Variants in CDK14 observed in about 807,000 individuals in gnomAD.
CDK14 encodes the protein cyclin-dependent kinase 14.
Under a neutral mutation model 60.7 loss-of-function variants are expected in CDK14, and 34 were observed. The ratio of observed to expected loss-of-function variants is 0.56; its 90% CI spans 0.43 to 0.75. The LOEUF is 0.75. Ranked by LOEUF, CDK14 falls within the 30% of genes least tolerant of loss-of-function variation. The pLI is 0.00. For missense variants in CDK14, 482 were observed against 564.1 expected (o/e 0.85, Z 1.47); for synonymous variants, 197 against 203.7 (o/e 0.97, Z 0.28).
At chr7:90,698,402 A>G (rs750393721) in intron 2 of CDK14, among the ~76,000 whole-genome samples, 11 of 152,216 alleles carry the variant, frequency 7.2e-5, no homozygotes, top group Non-Finnish European at 1.6e-4. Context: ...TGTAAATGAA[A>G]GGAAGAGCAG....
intron 8 of CDK14, among the ~76,000 whole-genome samples, 181 bp from the exon 9 acceptor site, chr7:90,955,516 G>A (rs895750430): frequency 3.3e-5 from 5 of 152,110 alleles, no homozygotes; most frequent in Non-Finnish European, 5.9e-5. Flanking sequence ...ATGGTTATTA[G>A]CATGTGTTAA....
At chr7:90,879,779 T>A (rs1310851761) in intron 6 of CDK14, among the ~76,000 whole-genome samples, 1 of 143,772 alleles carries the variant, frequency 7.0e-6, no homozygotes. Flanking sequence ...GCTGCTATTG[T>A]AAAAAAAAAA....
intron 2 of CDK14, among the ~76,000 whole-genome samples, chr7:90,714,320 G>C (rs982015318): frequency 6.6e-6 from 1 of 152,038 alleles, no homozygotes; most frequent in Non-Finnish European, 1.5e-5. Context: ...AACGCTTCTG[G>C]AAGCACTGGG....
In CDK14 at chr7:91,045,974, A is replaced by G. The variant is rs200641641; in HGVS notation, c.1105+14A>G. ...ATTTTAAGCCAGGTATGTTTCATTA[A>G]TTACAGATGACTAGGTGCTTCCTAT... is the stretch of plus-strand genomic sequence containing the variant. On this transcript the variant is annotated intron_variant, in intron 11 of 14. Transcript: ENST00000380050. The G allele has an allele frequency of 6.5e-7, 1 of 1,549,350 alleles. No individual in the cohort carries two copies. Among genetic ancestry groups the G allele is most frequent in the South Asian group, 1.1e-5 (1 of 89,722 alleles).
chr7:90,912,556 G>T (rs938455520), intron 7 of CDK14, among the ~76,000 whole-genome samples: 4 of 152,158 alleles, frequency 2.6e-5, no homozygotes, highest in African/African-American at 7.2e-5. Flanking sequence ...AAAAATACAG[G>T]ATGGTAGCTG....
chr7:91,025,025 A>AAG (rs1796534703), intron 10 of CDK14, among the ~76,000 whole-genome samples: 1 of 152,180 alleles, frequency 6.6e-6, no homozygotes, highest in Admixed American at 6.5e-5. Context: ...GGAATCAAGG[A>AAG]TATAAGTCTT....
intron 7 of CDK14, among the ~76,000 whole-genome samples, chr7:90,910,375 C>G (rs888980111): frequency 6.6e-6 from 1 of 152,124 alleles, no homozygotes; most frequent in African/African-American, 2.4e-5. Flanking sequence ...CCTAGTATTG[C>G]AGTTAAACCA....
At chr7:91,183,496 T>G (rs2115892613) in intron 14 of CDK14, among the ~76,000 whole-genome samples, 1 of 152,320 alleles carries the variant, frequency 6.6e-6, no homozygotes, top group Non-Finnish European at 1.5e-5. Context: ...GTCTCTTGAT[T>G]TCCCGCCCTT....
At chr7:90,719,354 C>T (rs938260644) in intron 2 of CDK14, among the ~76,000 whole-genome samples, 1 of 152,134 alleles carries the variant, frequency 6.6e-6, no homozygotes, top group African/African-American at 2.4e-5. Flanking sequence ...CAGTAAAATG[C>T]TGATCACCAG....
chr7:91,058,576 C>T (rs1326623789), intron 11 of CDK14, among the ~76,000 whole-genome samples: 1 of 152,150 alleles, frequency 6.6e-6, no homozygotes, highest in Non-Finnish European at 1.5e-5. Context: ...TGAGACACAT[C>T]CCATCAATAC....
At chr7:90,769,148 A>G (rs1804684313) in intron 4 of CDK14, among the ~76,000 whole-genome samples, 1 of 152,206 alleles carries the variant, frequency 6.6e-6, no homozygotes. Context: ...TATACAAGCC[A>G]AAGTCCTATT....
chr7:91,024,186 A>G (rs1027730870), intron 10 of CDK14, among the ~76,000 whole-genome samples: 2 of 152,134 alleles, frequency 1.3e-5, no homozygotes, highest in African/African-American at 2.4e-5. Context: ...GAGTGCCACT[A>G]TATGTTATAA....
intron 14 of CDK14, among the ~76,000 whole-genome samples, chr7:91,190,471 GTTA>G (rs1802325481): frequency 6.6e-6 from 1 of 152,148 alleles, no homozygotes; most frequent in African/African-American, 2.4e-5. Context: ...GTCATTCTTT[GTTA>G]TTTTGTTTCT....
chr7:90,917,803 G>T, intron 8 of CDK14, 79 bp downstream of exon 8: 2 of 1,407,046 alleles, frequency 1.4e-6, no homozygotes, highest in Non-Finnish European at 1.9e-6. Context: ...CATTTGTTTA[G>T]GTGCACTTCT....
intron 10 of CDK14, among the ~76,000 whole-genome samples, chr7:91,015,523 T>G (rs1584233513): frequency 1.9e-5 from 1 of 51,288 alleles, no homozygotes; most frequent in Non-Finnish European, 3.8e-5. Flanking sequence ...TGTCTTGGGT[T>G]TTTTTTTTTT....
intron 14 of CDK14, among the ~76,000 whole-genome samples, chr7:91,137,654 G>A (rs1800320632): frequency 6.7e-6 from 1 of 149,330 alleles, no homozygotes; most frequent in South Asian, 2.1e-4. Flanking sequence ...ACCAAGATAA[G>A]CCCTCACTTA....
chr7:90,634,157 T>C (rs1800074524), intron 2 of CDK14, among the ~76,000 whole-genome samples: 1 of 152,102 alleles, frequency 6.6e-6, no homozygotes, highest in South Asian at 2.1e-4. Flanking sequence ...TATTATACTT[T>C]AAGTTTTAGG....
In CDK14 at chr7:91,097,744, G is replaced by T. The variant is rs113038450; in HGVS notation, c.1155-14798G>T. Among the ~76,000 whole-genome samples, 1,479 of 152,236 alleles carry T rather than the reference G, an allele frequency of 9.7e-3. 20 individuals are homozygous for T. The highest frequency in any genetic ancestry group is 0.032 in the African/African-American group (1,343 of 41,536). The stretch of plus-strand genomic sequence containing the variant: ...TGTCTGAACCTCAGCTCCTTCATCT[G>T]CAAGGTGGGATGGTGATGATCACCT... On this transcript the variant is annotated intron_variant, in intron 12 of 14. Transcript: ENST00000380050.
chr7:91,119,176 G>C (rs1799707502), intron 14 of CDK14, among the ~76,000 whole-genome samples: 1 of 152,022 alleles, frequency 6.6e-6, no homozygotes, highest in South Asian at 2.1e-4. Flanking sequence ...TCTTTGTTCT[G>C]ATATTCAGTA....
Sources: gnomAD v4.1 joint callset for allele counts (sites outside exome capture counted in the v4.1 genomes callset) on GRCh38, gnomAD v4.1.1 for gene constraint, MANE v1.5 for transcripts, NCBI Gene and HGNC (gene_info 2026-07-23, HGNC 2026-07-21) for gene names.